The following CALN1 variants were observed in gnomAD, a reference collection of about 807,000 sequenced individuals.
CALN1 encodes calcium-binding protein 8.
CALN1 carries 17 observed loss-of-function variants against 30.6 expected under a neutral mutation model. The ratio of observed to expected loss-of-function variants is 0.56; its 90% CI spans 0.38 to 0.83. The LOEUF (loss-of-function observed/expected upper bound fraction) is 0.83, where lower values mean the gene tolerates loss of function less well. Ranked by LOEUF, CALN1 falls within the 40% of genes least tolerant of loss-of-function variation. The probability of loss-of-function intolerance (pLI) is 0.00; values close to 1 mark genes in which losing one functional copy is unlikely to be tolerated. For synonymous variants in CALN1, 156 were observed against 131.4 expected (o/e 1.19, Z -1.28); for missense variants, 291 against 354.9 (o/e 0.82, Z 1.45).
chr7:71,951,166 C>G (rs1167784460), intron 5 of CALN1, among the ~76,000 whole-genome samples: 1 of 152,200 alleles, frequency 6.6e-6, no homozygotes, highest in African/African-American at 2.4e-5. Flanking sequence ...AAGATGACAG[C>G]ATAGCTGCCT....
At chr7:71,877,968 C>CA (rs1411957088) in intron 5 of CALN1, among the ~76,000 whole-genome samples, 2 of 152,112 alleles carry the variant, frequency 1.3e-5, no homozygotes, top group Admixed American at 6.5e-5. Flanking sequence ...CTTGTTAAAA[C>CA]ACGGAAGACC....
chr7:72,345,089 C>T (rs1802568677), intron 2 of CALN1, among the ~76,000 whole-genome samples: 2 of 147,990 alleles, frequency 1.4e-5, no homozygotes, highest in Middle Eastern at 7.2e-3. Context: ...TATAATTATA[C>T]ATGTTATATA....
At chr7:72,498,493 T>C in the CALN1 span, among the ~76,000 whole-genome samples, 1 of 152,006 alleles carries the variant, frequency 6.6e-6, no homozygotes, top group African/African-American at 2.4e-5. Flanking sequence ...TTGTACTCAA[T>C]AAATGGAGCC....
chr7:72,155,185 G>C (rs1348397481), intron 3 of CALN1, among the ~76,000 whole-genome samples: 1 of 152,216 alleles, frequency 6.6e-6, no homozygotes, highest in Non-Finnish European at 1.5e-5. Flanking sequence ...CCATCTGCAA[G>C]GCAGAAAGAG....
intron 3 of CALN1, among the ~76,000 whole-genome samples, chr7:72,266,433 C>G (rs1018723144): frequency 1.3e-5 from 2 of 152,172 alleles, no homozygotes; most frequent in African/African-American, 2.4e-5. Flanking sequence ...AAGGCCATCA[C>G]TGGAATCAGG....
chr7:72,096,878 T>C (rs957125893), intron 4 of CALN1, among the ~76,000 whole-genome samples: 5 of 152,206 alleles, frequency 3.3e-5, no homozygotes, highest in Admixed American at 1.3e-4. Context: ...ATTGTGGCAC[T>C]ATTCACAATA....
intron 2 of CALN1, among the ~76,000 whole-genome samples, chr7:72,290,334 A>C (rs922460711): frequency 5.3e-5 from 8 of 152,070 alleles, no homozygotes; most frequent in African/African-American, 1.4e-4. Context: ...GGCTGTGACA[A>C]AGCAGCTATG....
chr7:72,409,423 AGGCT>A (rs987888273), intron 1 of CALN1, among the ~76,000 whole-genome samples: 1 of 146,000 alleles, frequency 6.8e-6, no homozygotes, highest in African/African-American at 2.5e-5. Context: ...CCTTCCTCAG[AGGCT>A]GGCGCAGAGT....
intron 2 of CALN1, among the ~76,000 whole-genome samples, chr7:72,336,037 A>G (rs1172451959): frequency 1.3e-5 from 2 of 152,066 alleles, no homozygotes; most frequent in Admixed American, 1.3e-4. Context: ...AGACCCATCC[A>G]GCTGCTTGGA....
chr7:72,421,534 GTCA>G (rs1415190903), intron 1 of CALN1, among the ~76,000 whole-genome samples: 1 of 132,220 alleles, frequency 7.6e-6, no homozygotes, highest in Non-Finnish European at 1.6e-5. Flanking sequence ...TCTTATAACA[GTCA>G]TCATATTTCA....
intron 5 of CALN1, among the ~76,000 whole-genome samples, chr7:71,985,165 C>T (rs1434125725): frequency 6.6e-6 from 1 of 152,126 alleles, no homozygotes; most frequent in African/African-American, 2.4e-5. Context: ...GAGAACCCAA[C>T]TGGCCAATAA....
At chr7:72,365,883 A>C (rs2129560041) in intron 2 of CALN1, among the ~76,000 whole-genome samples, 1 of 152,302 alleles carries the variant, frequency 6.6e-6, no homozygotes, top group South Asian at 2.1e-4. Context: ...CAGTTGGTTA[A>C]ATTCTAAATT....
chr7:71,894,924 C>T (rs540675880), intron 5 of CALN1, among the ~76,000 whole-genome samples: 1 of 152,190 alleles, frequency 6.6e-6, no homozygotes, highest in Non-Finnish European at 1.5e-5. Flanking sequence ...AAACAGACTG[C>T]AATGTTTGTG....
intron 2 of CALN1, among the ~76,000 whole-genome samples, chr7:72,281,407 G>A (rs1387097243): frequency 1.3e-5 from 2 of 152,142 alleles, no homozygotes; most frequent in Non-Finnish European, 2.9e-5. Context: ...TGTCAACCCT[G>A]GCTAACACTT....
chr7:72,286,272 C>G lies in CALN1; in HGVS notation c.120-7462G>C, dbSNP rs139087646. Among the ~76,000 whole-genome samples the G allele has an allele frequency of 2.8e-4, 43 of 152,056 alleles. No homozygotes were observed. In the East Asian group the frequency reaches 7.7e-3, roughly 27 times the overall value. On this transcript the variant is annotated intron_variant, in intron 2 of 6. Coordinates refer to ENST00000395275, the MANE Select transcript of CALN1 (RefSeq NM_031468.4). ...TAAAGCAGCCAAGGTCAAATCCCAC[C>G]ACCATCTCTTCCACCACTGTGAAGC...
At chr7:72,233,851 A>G (rs995468437) in intron 3 of CALN1, among the ~76,000 whole-genome samples, 3 of 152,172 alleles carry the variant, frequency 2.0e-5, no homozygotes, top group Admixed American at 1.3e-4. Flanking sequence ...TAAAAATACA[A>G]AAATCAGCCA....
At chr7:71,897,983 A>AAC (rs1793627165) in intron 5 of CALN1, among the ~76,000 whole-genome samples, 3 of 121,832 alleles carry the variant, frequency 2.5e-5, no homozygotes, top group Non-Finnish European at 5.0e-5. Context: ...AAAAAAAAAA[A>AAC]AAAAAAAAAG....
At chr7:72,372,785 A>C (rs1165156343) in intron 2 of CALN1, among the ~76,000 whole-genome samples, 5 of 152,178 alleles carry the variant, frequency 3.3e-5, no homozygotes, top group African/African-American at 1.2e-4. Flanking sequence ...AAACCAAAAA[A>C]ATTCTACATT....
chr7:72,228,054 G>T (rs576739614), intron 3 of CALN1, among the ~76,000 whole-genome samples: 1 of 152,058 alleles, frequency 6.6e-6, no homozygotes, highest in East Asian at 1.9e-4. Context: ...AACAGGTTTG[G>T]GAATACTGAA....
Sources: allele counts gnomAD v4.1 joint callset (sites outside exome capture counted in the v4.1 genomes callset), GRCh38; gene constraint gnomAD v4.1.1; transcripts MANE v1.5; gene names NCBI Gene and HGNC (gene_info 2026-07-23, HGNC 2026-07-21).